Variants in CCDC15 observed in about 807,000 individuals in gnomAD.
CCDC15 encodes coiled-coil domain containing 15, also known as coiled-coil domain-containing protein 15.
A neutral mutation model predicts 114.5 loss-of-function variants in CCDC15; 105 were observed. The ratio of observed to expected loss-of-function variants is 0.92; its 90% CI spans 0.78 to 1.08. CCDC15 has a LOEUF of 1.08. CCDC15 is among the 50% of genes least tolerant of loss of function. The pLI is 0.00. For synonymous variants in CCDC15, 334 were observed against 377.8 expected, an observed-to-expected ratio of 0.88 and a Z score of 1.34; for missense variants, 1,105 against 1,093.6, an observed-to-expected ratio of 1.01 and a Z score of -0.15.
intron 4 of CCDC15, among the ~76,000 whole-genome samples, chr11:124,969,851 T>G (rs1947850056): frequency 6.6e-6 from 1 of 151,138 alleles, no homozygotes. Context: ...AACTGGAGAG[T>G]TTTTCTGGAT....
Position 124,991,574 on chromosome 11 carries a change from C to CA in CCDC15, c.2027dup (p.Asn676LysfsTer28). Reference sequence around the variant, plus strand: ...CCAAATCCCAGGACCAGGATGACATCAAAAATCAGGTAGAGTAGAAGAAAA... The same window carrying CA: ...CCAAATCCCAGGACCAGGATGACATCAAAAAATCAGGTAGAGTAGAAGAAAA... On this transcript the variant is annotated frameshift_variant, in exon 9 of 16. Transcript: ENST00000344762. LOFTEE classifies it high-confidence loss of function. 6.2e-7 allele frequency: 1 copy of CA among 1,602,966 alleles called. No homozygotes were observed. Among genetic ancestry groups the CA allele is most frequent in the Non-Finnish European group, 8.5e-7 (1 of 1,174,162 alleles).
chr11:125,012,931 C>G (rs1216812186), intron 13 of CCDC15, among the ~76,000 whole-genome samples: 1 of 152,012 alleles, frequency 6.6e-6, no homozygotes, highest in South Asian at 2.1e-4. Flanking sequence ...TAAACTTAAG[C>G]AAGTAACTTC....
At chr11:124,988,596 T>A (rs1948215725) in intron 8 of CCDC15, among the ~76,000 whole-genome samples, 1 of 152,176 alleles carries the variant, frequency 6.6e-6, no homozygotes, top group Non-Finnish European at 1.5e-5. Context: ...TCACGAAACA[T>A]TTCTCTGTAG....
intron 4 of CCDC15, among the ~76,000 whole-genome samples, chr11:124,967,909 T>C (rs1947811396): frequency 6.6e-6 from 1 of 152,230 alleles, no homozygotes; most frequent in South Asian, 2.1e-4. Context: ...GCAGGTCTGT[T>C]GGAGTTTGCT....
At chr11:125,025,047 T>TATATATGAATATATATATGA (rs1423272309) in intron 13 of CCDC15, among the ~76,000 whole-genome samples, 6 of 129,856 alleles carry the variant, frequency 4.6e-5, no homozygotes, top group African/African-American at 1.6e-4. Context: ...TACATATGAA[T>TATATATGAATATATATATGA]ATATATGAAT....
Position 124,986,700 on chromosome 11 carries a change from T to TGTGTGTGTGTGTGCGC in CCDC15, c.754-41_754-40insTGTGTGTGTGTGCGCG, listed in dbSNP as rs878887902. 5.1e-4 allele frequency: 689 copies of TGTGTGTGTGTGTGCGC among 1,352,734 alleles called. 6 individuals carry two copies. Among genetic ancestry groups the TGTGTGTGTGTGTGCGC allele is most frequent in the Admixed American group, 2.5e-3 (103 of 41,670 alleles). 83.8% of individuals were successfully genotyped at this position (1,352,734 alleles called of 1,614,324 possible). A position where few individuals can be genotyped will look rare whatever the true frequency, so the allele number is the denominator to read the frequency against. ...GTGTGTGTGTGTGTGTTTGTGTGTG[T>TGTGTGTGTGTGTGCGC]GCGCGCGCGCGCGTGCGCGTTTTCA... On this transcript the variant is annotated intron_variant, in intron 6 of 15. Coordinates refer to ENST00000344762, the MANE Select transcript of CCDC15 (RefSeq NM_025004.3).
chr11:124,998,695 A>G (rs1337539949), intron 11 of CCDC15, among the ~76,000 whole-genome samples: 1 of 151,200 alleles, frequency 6.6e-6, no homozygotes, highest in Non-Finnish European at 1.5e-5. Context: ...TTTGCCTCCA[A>G]TAATCATACA....
intron 13 of CCDC15, among the ~76,000 whole-genome samples, chr11:125,022,155 G>A (rs752435709): frequency 6.6e-6 from 1 of 151,802 alleles, no homozygotes; most frequent in Non-Finnish European, 1.5e-5. Flanking sequence ...GATCTTTTAA[G>A]AGAGCAAGAT....
chr11:125,019,184 A>G (rs1234268734), intron 13 of CCDC15, among the ~76,000 whole-genome samples: 1 of 151,774 alleles, frequency 6.6e-6, no homozygotes, highest in African/African-American at 2.4e-5. Flanking sequence ...ATATAGAGAG[A>G]AGAGAGGTGA....
intron 13 of CCDC15, among the ~76,000 whole-genome samples, chr11:125,011,239 A>ATTTT (rs1398467750): frequency 2.2e-5 from 3 of 135,138 alleles, no homozygotes; most frequent in East Asian, 2.0e-4. Context: ...TATTATTATT[A>ATTTT]TTATTATTAT....
chr11:124,983,260 A>T (rs141186083), intron 6 of CCDC15, among the ~76,000 whole-genome samples: 2 of 151,980 alleles, frequency 1.3e-5, no homozygotes, highest in Non-Finnish European at 2.9e-5. Context: ...TTTTGTTCCT[A>T]TCCATGTTCT....
intron 6 of CCDC15, among the ~76,000 whole-genome samples, chr11:124,979,108 G>T (rs1258371761): frequency 6.6e-6 from 1 of 151,990 alleles, no homozygotes; most frequent in African/African-American, 2.4e-5. Flanking sequence ...ATTGTTGTAG[G>T]TGTGCAGCAT....
Position 124,991,557 on chromosome 11 carries a change from C to G in CCDC15, c.2005C>G (p.Gln669Glu), listed in dbSNP as rs1948269279. ...CTATCAGTGTTTGCCTCCCAAATCCCAGGACCAGGATGACATCAAAAATCA... is the reference window on the plus strand; with the variant it reads ...CTATCAGTGTTTGCCTCCCAAATCCGAGGACCAGGATGACATCAAAAATCA... ...ADYQCLPPKS[Q>E]DQDDIKNQQP... is the part of the protein sequence containing the mutation. Residue 669 changes from glutamine to glutamate, a missense_variant, in exon 9 of 16, where the codon CAG becomes GAG. Transcript: ENST00000344762. The G allele has an allele frequency of 1.2e-6, 2 of 1,608,026 alleles. No homozygotes were observed. The highest frequency in any genetic ancestry group is 1.3e-5 in the African/African-American group (1 of 74,924).
At chr11:124,956,239 G>T (rs569011799) in intron 2 of CCDC15, among the ~76,000 whole-genome samples, 1 of 152,216 alleles carries the variant, frequency 6.6e-6, no homozygotes, top group South Asian at 2.1e-4. Context: ...GGGAGTGATT[G>T]GATCCTGGGG....
chr11:125,003,132 T>C (rs755785458), intron 11 of CCDC15, among the ~76,000 whole-genome samples: 2 of 152,026 alleles, frequency 1.3e-5, no homozygotes, highest in Non-Finnish European at 2.9e-5. Context: ...TTTCTAAGTG[T>C]TTTCTTCTTT....
chr11:124,975,517 G>GA (rs766000041), intron 5 of CCDC15, among the ~76,000 whole-genome samples: 24 of 152,128 alleles, frequency 1.6e-4, no homozygotes, highest in Non-Finnish European at 2.4e-4. Context: ...AAATACTTAT[G>GA]GAATGTCTGT....
chr11:124,973,566 C>A (rs909673122), intron 4 of CCDC15, among the ~76,000 whole-genome samples: 1 of 151,976 alleles, frequency 6.6e-6, no homozygotes, highest in African/African-American at 2.4e-5. Context: ...GTAAAAAAAT[C>A]TGGGCTGGTA....
chr11:125,011,157 C>T (rs1948588955), intron 13 of CCDC15, among the ~76,000 whole-genome samples: 1 of 151,242 alleles, frequency 6.6e-6, no homozygotes, highest in Non-Finnish European at 1.5e-5. Flanking sequence ...TAATCCATTT[C>T]TTCTCTTGTA....
At chr11:125,028,848 A>G (rs2135540156) in intron 13 of CCDC15, among the ~76,000 whole-genome samples, 1 of 152,212 alleles carries the variant, frequency 6.6e-6, no homozygotes, top group African/African-American at 2.4e-5. Flanking sequence ...GAATTTGACT[A>G]CTGTGTTAGT....
Sources: allele counts gnomAD v4.1 joint callset (sites outside exome capture counted in the v4.1 genomes callset), GRCh38; gene constraint gnomAD v4.1.1; transcripts MANE v1.5; gene names NCBI Gene and HGNC (gene_info 2026-07-23, HGNC 2026-07-21).